The following LRRC37B variants were observed in gnomAD, a reference collection of about 807,000 sequenced individuals.
LRRC37B encodes the protein leucine rich repeat containing 37B.
A neutral mutation model predicts 98.3 loss-of-function variants in LRRC37B; 28 were observed. The ratio of observed to expected loss-of-function variants is 0.28; its 90% CI spans 0.21 to 0.39. The LOEUF (loss-of-function observed/expected upper bound fraction) is 0.39, where lower values mean the gene tolerates loss of function less well. LRRC37B is among the 10% of genes least tolerant of loss of function. The pLI is 1.00. For synonymous variants in LRRC37B, 364 were observed against 442.7 expected (o/e 0.82, Z 2.23); for missense variants, 938 against 1,182.7 (o/e 0.79, Z 3.03).
intron 10 of LRRC37B, 52 bp from the exon 14 acceptor site, chr17:32,049,951 C>G: frequency 3.5e-6 from 4 of 1,141,792 alleles, no homozygotes; most frequent in Non-Finnish European, 5.0e-6. Context: ...CATTCTCTCT[C>G]TCTTTTTTTT....
intron 7 of LRRC37B, among the ~76,000 whole-genome samples, chr17:32,043,945 G>C (rs1376048347): frequency 1.9e-4 from 29 of 151,540 alleles, no homozygotes; most frequent in African/African-American, 6.8e-4. Context: ...GTGTGTGCCA[G>C]ACATTTTTCA....
At chr17:32,017,502 AC>A (rs1910669760), upstream of LRRC37B, among the ~76,000 whole-genome samples, 1 of 152,226 alleles carries the variant, frequency 6.6e-6, no homozygotes, top group African/African-American at 2.4e-5. Flanking sequence ...TTTCATACAT[AC>A]GTTAAAAACT....
upstream of LRRC37B, among the ~76,000 whole-genome samples, chr17:32,019,698 T>G (rs1910719980): frequency 6.6e-6 from 1 of 152,166 alleles, no homozygotes; most frequent in East Asian, 1.9e-4. Flanking sequence ...AATAATTATT[T>G]TAATTCAATT....
chr17:32,030,316 G>A (rs998566145), intron 3 of LRRC37B, among the ~76,000 whole-genome samples: 5 of 151,928 alleles, frequency 3.3e-5, no homozygotes, highest in African/African-American at 7.3e-5. Flanking sequence ...GAGGCTATTC[G>A]TTTTAATATT....
chr17:32,011,600 TGA>T (rs1445287318), intron 1 of LRRC37B, among the ~76,000 whole-genome samples: 2 of 151,796 alleles, frequency 1.3e-5, no homozygotes, highest in Admixed American at 1.3e-4. Flanking sequence ...TGGGTTGAAA[TGA>T]TTCTCGTGCC....
At chr17:32,038,105 C>T (rs1271005149) in intron 7 of LRRC37B, among the ~76,000 whole-genome samples, 2 of 149,854 alleles carry the variant, frequency 1.3e-5, no homozygotes, top group African/African-American at 4.9e-5. Context: ...CCAGCCTGGG[C>T]GACACAGTGA....
intron 1 of LRRC37B, among the ~76,000 whole-genome samples, chr17:32,008,976 C>T (rs1598199218): frequency 6.6e-6 from 1 of 152,102 alleles, no homozygotes; most frequent in South Asian, 2.1e-4. Context: ...GTATGATTTC[C>T]GGGTTGTATA....
chr17:32,026,591 G>C (rs1910959720), intron 2 of LRRC37B, among the ~76,000 whole-genome samples: 1 of 152,124 alleles, frequency 6.6e-6, no homozygotes, highest in Admixed American at 6.5e-5. Context: ...ACCATGCCCA[G>C]CTAATTTTTC....
chr17:32,030,320 T>G (rs1032686674), intron 3 of LRRC37B, among the ~76,000 whole-genome samples: 6 of 152,080 alleles, frequency 3.9e-5, no homozygotes, highest in African/African-American at 1.4e-4. Context: ...CTATTCGTTT[T>G]AATATTAGAA....
chr17:32,019,336 C>T (rs572654313), upstream of LRRC37B, among the ~76,000 whole-genome samples: 2 of 152,282 alleles, frequency 1.3e-5, no homozygotes, highest in African/African-American at 2.4e-5. Context: ...CAGTAACATA[C>T]AGTACAGGTT....
intron 7 of LRRC37B, among the ~76,000 whole-genome samples, chr17:32,039,487 T>A (rs1319662964): frequency 1.5e-4 from 3 of 19,684 alleles, no homozygotes; most frequent in African/African-American, 7.3e-4. Flanking sequence ...AAAATATATA[T>A]ATATATATAT....
chr17:32,050,771 C>T (rs1046374455), intron 11 of LRRC37B, among the ~76,000 whole-genome samples: 17 of 152,046 alleles, frequency 1.1e-4, no homozygotes, highest in Admixed American at 2.6e-4. Context: ...CATTCCCCCT[C>T]GGATTAGAGA....
Position 32,042,817 on chromosome 17 carries a change from G to C in LRRC37B, c.2205-2883G>C, listed in dbSNP as rs565949111. On this transcript the variant is annotated intron_variant, in intron 7 of 11. Coordinates refer to ENST00000327564, the Ensembl canonical transcript of LRRC37B. ...GTATGCCCGAATTTTGTAAACAGAA[G>C]TATTAAAGGTCTTTCTACAAAAAAA... 4 of 103,758 alleles carry C rather than the reference G, an allele frequency of 3.9e-5. No homozygotes were observed. In the South Asian group the frequency reaches 1.5e-3, roughly 40 times the overall value. The allele number at this position is 103,758 out of a possible 1,614,324, so 6.4% of individuals were successfully genotyped here. A position where few individuals can be genotyped will look rare whatever the true frequency, so the allele number is the denominator to read the frequency against.
rs574577064 is a variant in LRRC37B, at chr17:32,033,259, T to C, written c.2058-1651T>C. Among the ~76,000 whole-genome samples, 599 of 129,992 alleles carry C rather than the reference T, an allele frequency of 4.6e-3. 1 individual carries two copies. The highest frequency in any genetic ancestry group is 0.017 in the African/African-American group (567 of 33,914). 85.3% of individuals were successfully genotyped at this position (129,992 alleles called of 152,430 possible). On this transcript the variant is annotated intron_variant, in intron 5 of 11. Coordinates refer to ENST00000327564, the Ensembl canonical transcript of LRRC37B. ...TCCCAAAGTGCTGGGATTATAGGCCTAAGCCACCAGGCCCAGCCAATAAAT... is the reference window on the plus strand; with the variant it reads ...TCCCAAAGTGCTGGGATTATAGGCCCAAGCCACCAGGCCCAGCCAATAAAT...
chr17:32,045,900 T>G (rs2916775), intron 8 of LRRC37B, 82 bp downstream of exon 11: 54,805 of 1,259,334 alleles, frequency 0.044, no homozygotes, highest in African/African-American at 0.28. Flanking sequence ...TTGATGAAAT[T>G]TTAAGCTGAT....
intron 2 of LRRC37B, among the ~76,000 whole-genome samples, chr17:32,025,007 T>C (rs1259990087): frequency 2.8e-5 from 4 of 143,556 alleles, no homozygotes; most frequent in African/African-American, 4.9e-5. Flanking sequence ...AAATAATACA[T>C]GGTTATATTC....
intron 7 of LRRC37B, chr17:32,040,612 C>G: frequency 6.4e-6 from 5 of 775,632 alleles, no homozygotes; most frequent in Admixed American, 3.4e-5. Context: ...CCCAACCCAG[C>G]CTCACAGGCT....
chr17:32,047,920 A>C lies in LRRC37B; in HGVS notation c.2464+19A>C, dbSNP rs1312944003. 1 of 1,614,128 alleles carries C rather than the reference A, an allele frequency of 6.2e-7. No individual in the cohort carries two copies. The highest frequency in any genetic ancestry group is 8.5e-7 in the Non-Finnish European group (1 of 1,179,998). ...TTTGGGGGTGAGCAGCTAGACACCAATGACGAGAGTGATGTTAGCAGTGCA... is the reference window on the plus strand; with the variant it reads ...TTTGGGGGTGAGCAGCTAGACACCACTGACGAGAGTGATGTTAGCAGTGCA... On this transcript the variant is annotated intron_variant, in intron 9 of 11. Coordinates refer to ENST00000327564, the Ensembl canonical transcript of LRRC37B.
At position 32,045,237 on chromosome 17, in the gene LRRC37B, A is replaced by AT. The variant is rs766698236; in HGVS notation, c.2205-455dup. Among the ~76,000 whole-genome samples the AT allele has an allele frequency of 3.0e-4, 44 of 147,086 alleles. No individual in the cohort carries two copies. In the East Asian group the frequency reaches 4.0e-3, roughly 13 times the overall value. On this transcript the variant is annotated intron_variant, in intron 7 of 11. Transcript: ENST00000327564. The stretch of plus-strand genomic sequence containing the variant: ...AGATTTGGCCAATGCAATCTCCGTT[A>AT]TTTTTTTTAACCCCACAATCCAGGT...
Sources: gnomAD v4.1 joint callset for allele counts (sites outside exome capture counted in the v4.1 genomes callset) on GRCh38, gnomAD v4.1.1 for gene constraint, MANE v1.5 for transcripts, NCBI Gene and HGNC (gene_info 2026-07-23, HGNC 2026-07-21) for gene names.